Variants in SLC15A2 observed in about 807,000 individuals in gnomAD.
SLC15A2 encodes solute carrier family 15 member 2, also known as kidney H(+)/peptide cotransporter.
Under a neutral mutation model 95.5 loss-of-function variants are expected in SLC15A2, and 77 were observed. The observed-to-expected ratio is 0.81, with a 90% CI of 0.67 to 0.97. SLC15A2 has a LOEUF of 0.97. Among genes scored for constraint, SLC15A2 ranks in the 50% least tolerant of loss-of-function variants. The pLI, the probability that SLC15A2 is intolerant of heterozygous loss-of-function variation, is 0.00. For missense variants in SLC15A2, 893 were observed against 874.4 expected (o/e 1.02, Z -0.27); for synonymous variants, 306 against 306.9 (o/e 1.00, Z 0.03).
chr3:121,913,498 A>G (rs765404479), intron 5 of SLC15A2, among the ~76,000 whole-genome samples: 1 of 152,210 alleles, frequency 6.6e-6, no homozygotes, highest in Non-Finnish European at 1.5e-5. Context: ...GGGTGGAAAA[A>G]CTTCAAACAA....
intron 2 of SLC15A2, among the ~76,000 whole-genome samples, chr3:121,897,128 A>G (rs1709433395): frequency 6.6e-6 from 1 of 151,568 alleles, no homozygotes; most frequent in African/African-American, 2.4e-5. Flanking sequence ...TGGTTGGCCT[A>G]AATGATGCTA....
At chr3:121,911,296 G>A (rs1036748632) in intron 3 of SLC15A2, among the ~76,000 whole-genome samples, 5 of 152,102 alleles carry the variant, frequency 3.3e-5, no homozygotes, top group East Asian at 3.8e-4. Flanking sequence ...TGGAGTGAGC[G>A]GGTAGAGGCA....
intron 20 of SLC15A2, 121 bp downstream of exon 20, chr3:121,939,616 A>C: frequency 1.3e-6 from 1 of 744,384 alleles, no homozygotes; most frequent in South Asian, 2.8e-5. Flanking sequence ...CTTATTTATG[A>C]CCCTGAACAT....
chr3:121,915,544 G>T, intron 6 of SLC15A2, 72 bp from the exon 7 acceptor site: 1 of 1,196,146 alleles, frequency 8.4e-7, no homozygotes, highest in East Asian at 2.3e-5. Context: ...TCAACAACCT[G>T]AGCTTGTAGA....
chr3:121,917,458 G>A (rs997436685), intron 7 of SLC15A2, among the ~76,000 whole-genome samples: 1 of 152,140 alleles, frequency 6.6e-6, no homozygotes, highest in Non-Finnish European at 1.5e-5. Flanking sequence ...GGAGGCCGAG[G>A]CAGGAGGATT....
chr3:121,896,310 A>G, intron 1 of SLC15A2, 96 bp from the exon 2 acceptor site: 2 of 965,004 alleles, frequency 2.1e-6, no homozygotes, highest in South Asian at 2.6e-5. Flanking sequence ...TACCAAGATG[A>G]TTTGAAATAA....
At chr3:121,907,792 C>T (rs1709684710) in intron 3 of SLC15A2, among the ~76,000 whole-genome samples, 1 of 152,216 alleles carries the variant, frequency 6.6e-6, no homozygotes, top group South Asian at 2.1e-4. Context: ...TCAGTTGGTC[C>T]CCACTGAGAG....
intron 12 of SLC15A2, 102 bp downstream of exon 12, chr3:121,924,485 T>G (rs2107598240): frequency 9.2e-7 from 1 of 1,091,202 alleles, no homozygotes; most frequent in African/African-American, 1.6e-5. Flanking sequence ...CTTTTCTCCT[T>G]GTACGCTGAT....
At chr3:121,922,407 C>G in intron 8 of SLC15A2, 105 bp downstream of exon 8, 1 of 809,712 alleles carries the variant, frequency 1.2e-6, no homozygotes, top group Non-Finnish European at 2.0e-6. Flanking sequence ...TCAATGACCT[C>G]TATTCTATTT....
chr3:121,907,733 C>G (rs1709681965), intron 3 of SLC15A2, among the ~76,000 whole-genome samples: 1 of 152,218 alleles, frequency 6.6e-6, no homozygotes, highest in Admixed American at 6.5e-5. Context: ...CTGCCTGATC[C>G]TTCCTCTGGA....
intron 2 of SLC15A2, 68 bp downstream of exon 2, chr3:121,896,561 T>C: frequency 8.1e-7 from 1 of 1,238,994 alleles, no homozygotes; most frequent in South Asian, 1.2e-5. Context: ...TGTGACAGCC[T>C]GGTCTCTTTA....
At chr3:121,932,690 A>G (rs1204679686) in intron 19 of SLC15A2, among the ~76,000 whole-genome samples, 1 of 152,206 alleles carries the variant, frequency 6.6e-6, no homozygotes, top group Non-Finnish European at 1.5e-5. Flanking sequence ...TTTGATGAGA[A>G]CCCAATCTAC....
intron 3 of SLC15A2, among the ~76,000 whole-genome samples, chr3:121,903,626 G>C (rs1392576063): frequency 1.3e-5 from 2 of 152,076 alleles, no homozygotes; most frequent in Non-Finnish European, 2.9e-5. Context: ...CCCATTGCTT[G>C]TTTTTGTCAG....
chr3:121,913,973 C>G (rs1214180494), intron 5 of SLC15A2, among the ~76,000 whole-genome samples: 1 of 151,364 alleles, frequency 6.6e-6, no homozygotes, highest in Non-Finnish European at 1.5e-5. Flanking sequence ...CTCTCTCTCT[C>G]TCTTTCCTCT....
rs749361175 is a variant in SLC15A2, at chr3:121,940,937, C to A, written c.2120C>A (p.Pro707Gln). The A allele has an allele frequency of 1.2e-6, 2 of 1,614,024 alleles. No homozygotes were observed. Among genetic ancestry groups the A allele is most frequent in the African/African-American group, 2.7e-5 (2 of 74,904 alleles). The stretch of plus-strand genomic sequence containing the variant: ...GTAAAGACAGAGGATATGCGGGGTC[C>A]AGCAGATAAGCACATTCCTCACATC... ...VPVKTEDMRG[P>Q]ADKHIPHIQG... Residue 707 changes from proline to glutamine, a missense_variant, in exon 22 of 22, where the codon CCA becomes CAA. Coordinates refer to ENST00000489711, the MANE Select transcript of SLC15A2 (RefSeq NM_021082.4).
Position 121,894,785 on chromosome 3 carries a change from T to G in SLC15A2, c.105+204T>G, listed in dbSNP as rs560165994. Among the ~76,000 whole-genome samples, 3 of 152,320 alleles carry G rather than the reference T, an allele frequency of 2.0e-5. No homozygotes were observed. The East Asian group carries it at 5.8e-4, about 29-fold the overall frequency. On this transcript the variant is annotated intron_variant, in intron 1 of 21. Coordinates refer to ENST00000489711, the MANE Select transcript of SLC15A2 (RefSeq NM_021082.4). Reference sequence around the variant, plus strand: ...AGCAGCAGGAAGAGGTAGTCAAAGTTCTTCAGTTGGGATCCAGGGACTTGC... The same window carrying G: ...AGCAGCAGGAAGAGGTAGTCAAAGTGCTTCAGTTGGGATCCAGGGACTTGC...
chr3:121,931,572 C>T lies in SLC15A2; in HGVS notation c.1665-67C>T, dbSNP rs1303689570. On this transcript the variant is annotated intron_variant, in intron 18 of 21. Coordinates refer to ENST00000489711, the MANE Select transcript of SLC15A2 (RefSeq NM_021082.4). ...ATCAGTAGAGAGATGAGATCACTTT[C>T]ACCTGGAGATGGGAATGCTTTTCCA... 5 of 967,440 alleles carry T rather than the reference C, an allele frequency of 5.2e-6. No homozygotes were observed. In the African/African-American group the frequency reaches 6.4e-5, roughly 12 times the overall value. 59.9% of individuals were successfully genotyped at this position (967,440 alleles called of 1,614,324 possible). A position where few individuals can be genotyped will look rare whatever the true frequency, so the allele number is the denominator to read the frequency against.
chr3:121,910,815 A>G (rs1709752256), intron 3 of SLC15A2, among the ~76,000 whole-genome samples: 1 of 152,200 alleles, frequency 6.6e-6, no homozygotes, highest in Non-Finnish European at 1.5e-5. Flanking sequence ...GAATCTCTCT[A>G]TATGTTCTTA....
At chr3:121,902,393 G>C (rs1357599772) in intron 3 of SLC15A2, among the ~76,000 whole-genome samples, 1 of 151,676 alleles carries the variant, frequency 6.6e-6, no homozygotes, top group Non-Finnish European at 1.5e-5. Flanking sequence ...AAGTTCTAGG[G>C]TACACGTGCA....
Sources: allele counts gnomAD v4.1 joint callset (sites outside exome capture counted in the v4.1 genomes callset), GRCh38; gene constraint gnomAD v4.1.1; transcripts MANE v1.5; gene names NCBI Gene and HGNC (gene_info 2026-07-23, HGNC 2026-07-21).